Variants in EPHA2 observed in about 807,000 individuals in gnomAD.
EPHA2 encodes ephrin type-A receptor 2.
Under a neutral mutation model 104.9 loss-of-function variants are expected in EPHA2, and 54 were observed. That is an observed-to-expected ratio of 0.51 (90% CI 0.41 to 0.65). The LOEUF is 0.65. EPHA2 is among the 30% of genes least tolerant of loss of function. EPHA2 has a pLI of 0.00. For synonymous variants in EPHA2, 560 were observed against 559.1 expected (o/e 1.00, Z -0.02); for missense variants, 1,117 against 1,369.5 (o/e 0.82, Z 2.91).
chr1:16,148,465 G>A lies in EPHA2; in HGVS notation c.736C>T (p.His246Tyr), dbSNP rs2124260616. 1.2e-6 allele frequency: 2 copies of A among 1,613,864 alleles called. No individual in the cohort carries two copies. The highest frequency in any genetic ancestry group is 8.5e-7 in the Non-Finnish European group (1 of 1,180,042). The change falls in exon 3 of 17, where the codon CAC becomes TAC. Residue 246 changes from histidine to tyrosine, a missense_variant. By Grantham distance (83) the His-to-Tyr change is moderately conservative. Around this residue, in one of 3 missense-constraint regions of EPHA2, gnomAD observed 664 missense variants for 784.8 expected, o/e 0.85. Transcript: ENST00000358432. The surrounding 1 kb of genome is among the most constrained non-coding windows in gnomAD (Gnocchi z 4.9). ...AGCCACTCGCCATCCACTGCACAGT[G>A]CATACGGGGCTCTTCACCCCCCGGT... is the stretch of plus-strand genomic sequence containing the variant. ...VPPGGEEPRM[H>Y]CAVDGEWLVP...
At chr1:16,126,027 G>C (rs956357256) in intron 16 of EPHA2, among the ~76,000 whole-genome samples, 3 of 152,170 alleles carry the variant, frequency 2.0e-5, no homozygotes, top group Admixed American at 6.5e-5. Context: ...TCTTCCCTTG[G>C]GGAAACCTCA....
At chr1:16,136,663 AAAGAAGAAAAGAAGAAGAAAGAAGAAGAG>A (rs2024693254) in intron 5 of EPHA2, among the ~76,000 whole-genome samples, 2 of 115,190 alleles carry the variant, frequency 1.7e-5, no homozygotes, top group East Asian at 2.5e-4. Flanking sequence ...AAGAAGAAGA[AAAGAAGAAAAGAAGAAGAAAGAAGAAGAG>A]GAAGAAGAAG....
At chr1:16,136,316 A>AATG (rs2024682746) in intron 5 of EPHA2, among the ~76,000 whole-genome samples, 1 of 142,140 alleles carries the variant, frequency 7.0e-6, no homozygotes, top group Admixed American at 6.9e-5. Context: ...TAATAATAAT[A>AATG]ATAATAATAA....
rs2024512690 is a variant in EPHA2 at position 16,128,590 on chromosome 1, G to C, written c.2825+844C>G. Among the ~76,000 whole-genome samples, 1 of 152,236 alleles carries C rather than the reference G, an allele frequency of 6.6e-6. No homozygotes were observed. Among genetic ancestry groups the C allele is most frequent in the African/African-American group, 2.4e-5 (1 of 41,462 alleles). ...TCTTTGACCATGCACAAGCTGGGTTGTTGAAACTGGCCACTATTTTTAGAG... is the reference window on the plus strand; with the variant it reads ...TCTTTGACCATGCACAAGCTGGGTTCTTGAAACTGGCCACTATTTTTAGAG... On this transcript the variant is annotated intron_variant, in intron 16 of 16. Transcript: ENST00000358432. The surrounding 1 kb of genome is among the most constrained non-coding windows in gnomAD (Gnocchi z 4.7).
intron 3 of EPHA2, among the ~76,000 whole-genome samples, 199 bp from the exon 4 acceptor site, chr1:16,138,629 G>C (rs2024766062): frequency 6.6e-6 from 1 of 152,198 alleles, no homozygotes. Flanking sequence ...GGGCACCCAG[G>C]AAGTGCTTCA....
Position 16,155,838 on chromosome 1 carries a change from G to T in EPHA2, c.85+10C>A. On this transcript the variant is annotated intron_variant, in intron 1 of 16. Coordinates refer to ENST00000358432, the MANE Select transcript of EPHA2 (RefSeq NM_004431.5). ...CGGGGGCCAGGGGTCCAGACGCCGC[G>T]CGCACTCACCTTCCTTGCCCTGCGC... 1.4e-6 allele frequency: 2 copies of T among 1,429,318 alleles called. No homozygotes were observed. Among genetic ancestry groups the T allele is most frequent in the South Asian group, 1.4e-5 (1 of 70,086 alleles). 88.5% of individuals were successfully genotyped at this position (1,429,318 alleles called of 1,614,324 possible).
chr1:16,140,152 C>G (rs1285507505), intron 3 of EPHA2, among the ~76,000 whole-genome samples: 1 of 152,214 alleles, frequency 6.6e-6, no homozygotes, highest in Non-Finnish European at 1.5e-5. Flanking sequence ...ATAGTGACCT[C>G]CTGCTGATGA....
At chr1:16,153,267 C>T (rs553621331) in intron 1 of EPHA2, 8 of 985,324 alleles carry the variant, frequency 8.1e-6, no homozygotes, top group African/African-American at 3.5e-5. Context: ...GGTCCTTCTC[C>T]GCAGCCTCCG....
Position 16,131,413 on chromosome 1 carries a change from C to A in EPHA2, c.2475+308G>T, listed in dbSNP as rs2024566707. Among the ~76,000 whole-genome samples the A allele has an allele frequency of 6.6e-6, 1 of 152,078 alleles. No homozygotes were observed. Among genetic ancestry groups the A allele is most frequent in the African/African-American group, 2.4e-5 (1 of 41,412 alleles). ...TGGCCAACATAGTGAAACCCCGTCT[C>A]TACTAAAAATACAAAAATTAGCTGG... On this transcript the variant is annotated intron_variant, in intron 14 of 16. Transcript: ENST00000358432. The surrounding 1 kb of genome is among the most constrained non-coding windows in gnomAD (Gnocchi z 5.2).
chr1:16,148,803 T>A lies in EPHA2; in HGVS notation c.398A>T (p.Asn133Ile). Residue 133 changes from asparagine (N) to isoleucine (I), a missense_variant, in exon 3 of 17, where the codon AAC (asparagine) becomes ATC (isoleucine). This residue lies in a region of EPHA2 where 664 missense variants were observed against 784.8 expected (regional missense o/e 0.85). Transcript: ENST00000358432. The surrounding 1 kb of genome is among the most constrained non-coding windows in gnomAD (Gnocchi z 4.9). ...YAESDLDYGT[N>I]FQKRLFTKID... ...CTTGGTGAACAGGCGCTTCTGGAAG[T>A]TGGTGCCGTAGTCCAGGTCCGACTC... 1 of 1,614,084 alleles carries A rather than the reference T, an allele frequency of 6.2e-7. No homozygotes were observed. The highest frequency in any genetic ancestry group is 2.2e-5 in the East Asian group (1 of 44,888).
intron 3 of EPHA2, among the ~76,000 whole-genome samples, chr1:16,143,241 T>TGGGTG (rs2024862545): frequency 6.6e-6 from 1 of 150,938 alleles, no homozygotes; most frequent in East Asian, 1.9e-4. Flanking sequence ...GATGGATGGA[T>TGGGTG]GAGTGGATGG....
At chr1:16,138,484 C>T in intron 3 of EPHA2, 54 bp from the exon 4 acceptor site, 1 of 1,610,912 alleles carries the variant, frequency 6.2e-7, no homozygotes, top group Non-Finnish European at 8.5e-7. Flanking sequence ...TCTGCTTCCA[C>T]CCCACGTGAC....
Position 16,129,559 on chromosome 1 carries a change from G to C in EPHA2, c.2700C>G (p.Gly900=), listed in dbSNP as rs866826948. The C allele has an allele frequency of 1.1e-5, 18 of 1,612,608 alleles. No individual in the cohort carries two copies. In the African/African-American group the frequency reaches 2.3e-4, roughly 20 times the overall value. ...CCGTGCGGAAGGGCACCCCCTCCGA[G>C]CCGCTCGTGCTGGGGAGCCGGATAG... ...RVSIRLPSTS[G]SEGVPFRTVS... is the part of the protein sequence containing the mutation. The change falls in exon 16 of 17, where the codon GGC becomes GGG. Residue 900 remains glycine, a synonymous_variant. Coordinates refer to ENST00000358432, the MANE Select transcript of EPHA2 (RefSeq NM_004431.5).
Position 16,135,069 on chromosome 1 carries a change from C to A in EPHA2, c.1549G>T (p.Ala517Ser). Residue 517 changes from alanine to serine, a missense_variant, in exon 7 of 17, where the codon GCC (alanine) becomes TCC (serine). Ala to Ser is a moderately conservative substitution (Grantham distance 99). This residue lies in a region of EPHA2 where 664 missense variants were observed against 784.8 expected (regional missense o/e 0.85). Transcript: ENST00000358432. The surrounding 1 kb of genome is among the most constrained non-coding windows in gnomAD (Gnocchi z 4.3). ...TGGAATTCGTGCACCTTGCTGCCGG[C>A]CCCCTGGCCCTCCTGCGTCAGTGCC... is the stretch of plus-strand genomic sequence containing the variant. ...VQALTQEGQG[A>S]GSKVHEFQTL... 6.2e-7 allele frequency: 1 copy of A among 1,613,516 alleles called. No individual in the cohort carries two copies. Among genetic ancestry groups the A allele is most frequent in the Non-Finnish European group, 8.5e-7 (1 of 1,180,028 alleles).
chr1:16,126,728 G>A (rs900171874), intron 16 of EPHA2, among the ~76,000 whole-genome samples: 2 of 152,162 alleles, frequency 1.3e-5, no homozygotes, highest in Non-Finnish European at 2.9e-5. Flanking sequence ...AGATTCACTC[G>A]ATTTGCAGTT....
rs2024559706 is a variant in EPHA2 at position 16,130,906 on chromosome 1, A to T, written c.2476-487T>A. Reference sequence around the variant, plus strand: ...CAGCCTCCCAAAGTGCTAGGATTACAGGCATGCGCCATTGCTCCCAGCTAG... The same window carrying T: ...CAGCCTCCCAAAGTGCTAGGATTACTGGCATGCGCCATTGCTCCCAGCTAG... On this transcript the variant is annotated intron_variant, in intron 14 of 16. Coordinates refer to ENST00000358432, the MANE Select transcript of EPHA2 (RefSeq NM_004431.5). The surrounding 1 kb of genome is among the most constrained non-coding windows in gnomAD (Gnocchi z 4.5). Among the ~76,000 whole-genome samples the T allele has an allele frequency of 6.6e-6, 1 of 152,138 alleles. No homozygotes were observed. Among genetic ancestry groups the T allele is most frequent in the South Asian group, 2.1e-4 (1 of 4,826 alleles).
Position 16,125,213 on chromosome 1 carries a change from G to C in EPHA2, c.*2C>G, listed in dbSNP as rs1441858816. The stretch of plus-strand genomic sequence containing the variant: ...CGATGGGGCTCCAGGCCCTGTCGAG[G>C]CTCAGATGGGGATCCCCACAGTGTT... On this transcript the variant is annotated 3_prime_UTR_variant, in exon 17 of 17. Transcript: ENST00000358432. This position sits in a 1 kb window ranked among gnomAD's most constrained non-coding sequence, Gnocchi z 4.9. 1 of 1,613,454 alleles carries C rather than the reference G, an allele frequency of 6.2e-7. No homozygotes were observed. The highest frequency in any genetic ancestry group is 1.3e-5 in the African/African-American group (1 of 74,930).
At position 16,148,527 on chromosome 1, in the gene EPHA2, G is replaced by T; in HGVS notation, c.674C>A (p.Thr225Asn). ...IAGSDAPSLATVAGTCVDHAV... is the reference protein window; with the variant it reads ...IAGSDAPSLANVAGTCVDHAV... ...ATGGTCCACACAGGTGCCGGCCACA[G>T]TGGCCAGGGAAGGTGCATCAGAGCC... Residue 225 changes from threonine (T) to asparagine (N), a missense_variant, in exon 3 of 17, where the codon ACT becomes AAT. By Grantham distance (65) the Thr-to-Asn change is moderately conservative. Coordinates refer to ENST00000358432, the MANE Select transcript of EPHA2 (RefSeq NM_004431.5). The surrounding 1 kb of genome is among the most constrained non-coding windows in gnomAD (Gnocchi z 4.9). 1 of 1,613,616 alleles carries T rather than the reference G, an allele frequency of 6.2e-7. No homozygotes were observed. Among genetic ancestry groups the T allele is most frequent in the Non-Finnish European group, 8.5e-7 (1 of 1,179,994 alleles).
chr1:16,143,289 T>C (rs1281264333), intron 3 of EPHA2, among the ~76,000 whole-genome samples: 3 of 151,632 alleles, frequency 2.0e-5, no homozygotes, highest in African/African-American at 4.9e-5. Flanking sequence ...GGAGAGAGAA[T>C]GGGTGGCAAA....
Sources: gnomAD v4.1 joint callset for allele counts (sites outside exome capture counted in the v4.1 genomes callset) on GRCh38, gnomAD v4.1.1 for gene constraint, gnomAD v4.1.1 regional missense constraint, Gnocchi (gnomAD v3.1) non-coding constraint, MANE v1.5 for transcripts, NCBI Gene and HGNC (gene_info 2026-07-23, HGNC 2026-07-21) for gene names.